Variants in CSMD2 observed in about 807,000 individuals in gnomAD.
CSMD2 encodes the protein CUB and Sushi multiple domains 2.
Under a neutral mutation model 398.5 loss-of-function variants are expected in CSMD2, and 130 were observed. That is an observed-to-expected ratio of 0.33 (90% confidence interval 0.28 to 0.38). The LOEUF (loss-of-function observed/expected upper bound fraction) is 0.38, where lower values mean the gene tolerates loss of function less well. Among genes scored for constraint, CSMD2 ranks in the 10% least tolerant of loss-of-function variants. CSMD2 has a pLI of 1.00. For missense variants in CSMD2, 3,829 were observed against 4,764.9 expected, an observed-to-expected ratio of 0.80 and a Z score of 5.78; for synonymous variants, 1,828 against 1,908.5, an observed-to-expected ratio of 0.96 and a Z score of 1.10.
chr1:33,954,432 C>T (rs12031262), intron 3 of CSMD2, among the ~76,000 whole-genome samples: 10,970 of 151,834 alleles, frequency 0.072, 412 homozygotes, highest in African/African-American at 0.082. Flanking sequence ...GACTTAACTC[C>T]GGCCATCCAA....
intron 3 of CSMD2, among the ~76,000 whole-genome samples, chr1:34,000,522 G>A (rs4653364): frequency 0.38 from 58,319 of 151,912 alleles, 11,724 homozygotes; most frequent in Middle Eastern, 0.47. Context: ...AGAACCGCTC[G>A]GTTCATAATC....
intron 54 of CSMD2, among the ~76,000 whole-genome samples, chr1:33,558,956 T>G (rs892281775): frequency 1.3e-4 from 20 of 152,220 alleles, no homozygotes; most frequent in African/African-American, 4.8e-4. Flanking sequence ...GAAATAATAT[T>G]ACTTCTAGAT....
At chr1:33,531,289 T>A (rs1045660933) in intron 64 of CSMD2, among the ~76,000 whole-genome samples, 1 of 152,056 alleles carries the variant, frequency 6.6e-6, no homozygotes, top group Non-Finnish European at 1.5e-5. Context: ...AACACCACAA[T>A]GAGATACCAC....
In CSMD2 at chr1:33,533,752, G is replaced by T; in HGVS notation, c.9991+44C>A. 1 of 1,323,860 alleles carries T rather than the reference G, an allele frequency of 7.6e-7. No individual in the cohort carries two copies. The highest frequency in any genetic ancestry group is 1.1e-6 in the Non-Finnish European group (1 of 916,782). 82.0% of individuals were successfully genotyped at this position (1,323,860 alleles called of 1,614,324 possible). A position where few individuals can be genotyped will look rare whatever the true frequency, so the allele number is the denominator to read the frequency against. ...AAACATGACCCAGATGCCCAGCTGG[G>T]GCAAGAGGAATTTTCTTGGGATGTG... On this transcript the variant is annotated intron_variant, in intron 63 of 70. Transcript: ENST00000373381. This position sits in a 1 kb window ranked among gnomAD's most constrained non-coding sequence, Gnocchi z 4.2.
At chr1:34,075,872 C>T (rs1054194274) in intron 2 of CSMD2, among the ~76,000 whole-genome samples, 2 of 152,198 alleles carry the variant, frequency 1.3e-5, no homozygotes, top group Non-Finnish European at 2.9e-5. Context: ...ATCTGGAAGG[C>T]TCTTTGTTCT....
At chr1:34,083,584 T>C (rs928564255) in intron 2 of CSMD2, among the ~76,000 whole-genome samples, 12 of 152,200 alleles carry the variant, frequency 7.9e-5, no homozygotes, top group African/African-American at 2.9e-4. Flanking sequence ...ATAGGCTTAA[T>C]AGTAACACTT....
chr1:34,065,503 C>A lies in CSMD2; in HGVS notation c.404+23474G>T, dbSNP rs74070278. On this transcript the variant is annotated intron_variant, in intron 2 of 70. Transcript: ENST00000373381. Reference sequence around the variant, plus strand: ...AGGGTACCACCAGCCCTAAGCAGGGCCGGCTGCACAGTGCACAGAGCACTG... The same window carrying A: ...AGGGTACCACCAGCCCTAAGCAGGGACGGCTGCACAGTGCACAGAGCACTG... Among the ~76,000 whole-genome samples the A allele has an allele frequency of 3.1e-3, 471 of 152,284 alleles. 6 individuals are homozygous for A. The highest frequency in any genetic ancestry group is 0.011 in the African/African-American group (447 of 41,560).
At position 33,657,937 on chromosome 1, in the gene CSMD2, G is replaced by A; in HGVS notation, c.4447+9C>T. ...CAAGAGCAGAGTGCACCCTGCAGCT[G>A]CTTTGTACCGATGCATGTTGGCGGG... On this transcript the variant is annotated intron_variant, in intron 27 of 70. Coordinates refer to ENST00000373381, the MANE Select transcript of CSMD2 (RefSeq NM_001281956.2). 1 of 1,610,718 alleles carries A rather than the reference G, an allele frequency of 6.2e-7. No homozygotes were observed. Among genetic ancestry groups the A allele is most frequent in the African/African-American group, 1.3e-5 (1 of 75,014 alleles).
chr1:34,129,086 A>C (rs927679133), intron 1 of CSMD2, among the ~76,000 whole-genome samples: 2 of 149,398 alleles, frequency 1.3e-5, no homozygotes, highest in African/African-American at 2.5e-5. Flanking sequence ...CTGCATGCCC[A>C]CCCTCCCATC....
In CSMD2 at chr1:33,743,360, G is replaced by A; in HGVS notation, c.2093C>T (p.Thr698Ile). The A allele has an allele frequency of 6.2e-7, 1 of 1,614,202 alleles. No individual in the cohort carries two copies. The highest frequency in any genetic ancestry group is 8.5e-7 in the Non-Finnish European group (1 of 1,180,030). ...FSGNQLPSSI[T>I]SSGHVARLEF... ...GAGACGGGCCACGTGGCCACTGCTT[G>A]TGATGGAGGAGGGAAGCTGGTTTCC... The change falls in exon 14 of 71, where the codon ACA becomes ATA. Residue 698 changes from threonine to isoleucine, a missense_variant. Physicochemically the swap from Thr to Ile is moderately conservative, Grantham distance 89. Transcript: ENST00000373381.
chr1:33,677,511 G>A (rs1300264949), intron 25 of CSMD2, among the ~76,000 whole-genome samples: 1 of 152,172 alleles, frequency 6.6e-6, no homozygotes, highest in African/African-American at 2.4e-5. Context: ...CTGTTGGTGG[G>A]ACTGTAAACT....
At chr1:33,912,350 C>T (rs1643493729) in intron 5 of CSMD2, among the ~76,000 whole-genome samples, 1 of 151,580 alleles carries the variant, frequency 6.6e-6, no homozygotes, top group East Asian at 1.9e-4. Context: ...GAGGTTTGTT[C>T]CAGGATCTAC....
intron 15 of CSMD2, among the ~76,000 whole-genome samples, chr1:33,728,509 A>C (rs986749461): frequency 1.3e-5 from 2 of 152,160 alleles, no homozygotes; most frequent in Non-Finnish European, 2.9e-5. Flanking sequence ...ATCTCATTTA[A>C]ATGCATGCAT....
intron 1 of CSMD2, among the ~76,000 whole-genome samples, chr1:34,119,447 G>A (rs1199824420): frequency 1.3e-5 from 2 of 152,172 alleles, no homozygotes; most frequent in East Asian, 3.8e-4. Context: ...AAGAACTTCT[G>A]TGCAGCAAAG....
intron 2 of CSMD2, among the ~76,000 whole-genome samples, chr1:34,038,452 C>T (rs1170471353): frequency 3.3e-5 from 5 of 152,196 alleles, no homozygotes; most frequent in African/African-American, 9.7e-5. Context: ...TTTACATCAG[C>T]CTTATTGTCT....
rs778252163 is a variant in CSMD2 at position 33,636,350 on chromosome 1, C to T, written c.4969+10G>A. 10 of 1,586,558 alleles carry T rather than the reference C, an allele frequency of 6.3e-6. No individual in the cohort carries two copies. The highest frequency in any genetic ancestry group is 8.6e-6 in the Non-Finnish European group (10 of 1,164,784). On this transcript the variant is annotated intron_variant, in intron 30 of 70. Coordinates refer to ENST00000373381, the MANE Select transcript of CSMD2 (RefSeq NM_001281956.2). The surrounding 1 kb of genome is among the most constrained non-coding windows in gnomAD (Gnocchi z 4.8). Reference sequence around the variant, plus strand: ...TCCTCAGACCCCTGCCATCCCCAGGCTTCCACCACCTGTGCAGACTGGCCG... The same window carrying T: ...TCCTCAGACCCCTGCCATCCCCAGGTTTCCACCACCTGTGCAGACTGGCCG...
At chr1:33,673,715 G>A (rs902494270) in intron 25 of CSMD2, among the ~76,000 whole-genome samples, 5 of 152,214 alleles carry the variant, frequency 3.3e-5, no homozygotes, top group Admixed American at 3.3e-4. Flanking sequence ...CAGAGAGAAA[G>A]GTCGGGTTAC....
intron 2 of CSMD2, among the ~76,000 whole-genome samples, chr1:34,065,748 A>T (rs1418798258): frequency 6.6e-6 from 1 of 152,296 alleles, no homozygotes; most frequent in Non-Finnish European, 1.5e-5. Flanking sequence ...TTAAATTCCT[A>T]TTATCATTAT....
Position 33,746,529 on chromosome 1 carries a change from A to C in CSMD2, c.1847-2923T>G, listed in dbSNP as rs75722508. Among the ~76,000 whole-genome samples, 76 of 152,298 alleles carry C rather than the reference A, an allele frequency of 5.0e-4. 3 individuals are homozygous for C. The East Asian group carries it at 0.015, about 29-fold the overall frequency. On this transcript the variant is annotated intron_variant, in intron 13 of 70. Coordinates refer to ENST00000373381, the MANE Select transcript of CSMD2 (RefSeq NM_001281956.2). Reference sequence around the variant, plus strand: ...TCTAGAACCTTTAACCAGGATTGTCATGTTGCAAAGCTCCAGGGGCACCAT... The same window carrying C: ...TCTAGAACCTTTAACCAGGATTGTCCTGTTGCAAAGCTCCAGGGGCACCAT...
Sources: allele counts gnomAD v4.1 joint callset (sites outside exome capture counted in the v4.1 genomes callset), GRCh38; gene constraint gnomAD v4.1.1; non-coding constraint Gnocchi (gnomAD v3.1); transcripts MANE v1.5; gene names NCBI Gene and HGNC (gene_info 2026-07-23, HGNC 2026-07-21).